Variants in NCAPG2 observed in about 807,000 individuals in gnomAD.
The protein encoded by NCAPG2 is non-SMC condensin II complex subunit G2.
NCAPG2 carries 53 observed loss-of-function variants against 141.1 expected under a neutral mutation model. The ratio of observed to expected loss-of-function variants is 0.38; its 90% CI spans 0.30 to 0.47. The LOEUF is 0.47. NCAPG2 is among the 20% of genes least tolerant of loss of function. The probability of loss-of-function intolerance (pLI) is 0.99; values close to 1 mark genes in which losing one functional copy is unlikely to be tolerated. For missense variants in NCAPG2, 1,087 were observed against 1,389.0 expected, an observed-to-expected ratio of 0.78 and a Z score of 3.46; for synonymous variants, 499 against 490.7, an observed-to-expected ratio of 1.02 and a Z score of -0.22.
chr7:158,642,708 A>G (rs1830732225), intron 27 of NCAPG2, among the ~76,000 whole-genome samples: 1 of 152,184 alleles, frequency 6.6e-6, no homozygotes, highest in Non-Finnish European at 1.5e-5. Context: ...CCACCTTCGG[A>G]AAACAGAAAA....
At chr7:158,637,579 C>CGAGCCCCACACAGGAGCCTGTGGGACTCA (rs1403971410) in intron 27 of NCAPG2, among the ~76,000 whole-genome samples, 1 of 5,132 alleles carries the variant, frequency 1.9e-4, no homozygotes, top group Non-Finnish European at 4.2e-4. Context: ...GCTCCGGCTC[C>CGAGCCCCACACAGGAGCCTGTGGGACTCA]AGCAGCTCCC....
chr7:158,664,252 G>C lies in NCAPG2; in HGVS notation c.1747C>G (p.Gln583Glu). 2.5e-6 allele frequency: 4 copies of C among 1,613,870 alleles called. No homozygotes were observed. Among genetic ancestry groups the C allele is most frequent in the Non-Finnish European group, 3.4e-6 (4 of 1,179,814 alleles). ...TCTGGAGGCTCTCTCACTGCCCTCTGGATACAGGCATTTAAGCAATGACGA... is the reference window on the plus strand; with the variant it reads ...TCTGGAGGCTCTCTCACTGCCCTCTCGATACAGGCATTTAAGCAATGACGA... ...VIRHCLNACI[Q>E]RAVREPPEDE... The change falls in exon 15 of 28, where the codon CAG (glutamine) becomes GAG (glutamate). Residue 583 changes from glutamine (Q) to glutamate (E), a missense_variant. By Grantham distance (29) the Gln-to-Glu change is conservative (BLOSUM62 2). Transcript: ENST00000356309.
intron 16 of NCAPG2, among the ~76,000 whole-genome samples, chr7:158,660,916 C>T (rs762669133): frequency 6.6e-6 from 1 of 152,116 alleles, no homozygotes; most frequent in Non-Finnish European, 1.5e-5. Context: ...AGGGGTTTCC[C>T]TTTGTGCTTG....
chr7:158,693,836 C>T (rs1835274555), intron 2 of NCAPG2, among the ~76,000 whole-genome samples: 1 of 152,222 alleles, frequency 6.6e-6, no homozygotes, highest in Non-Finnish European at 1.5e-5. Context: ...GCCACAGATT[C>T]CAGCCCCAAG....
At position 158,701,842 on chromosome 7, in the gene NCAPG2, A is replaced by G; in HGVS notation, c.58T>C (p.Leu20=). Residue 20 remains leucine, a synonymous_variant, in exon 2 of 28, where the codon TTG becomes CTG. Coordinates refer to ENST00000356309, the MANE Select transcript of NCAPG2 (RefSeq NM_017760.7). ...AVSKELVGEF[L]QFVQLDKEAS... is the part of the protein sequence containing the mutation. ...CTTACATCAAGTTGAACAAATTGCAAAAACTCTCCAACCAGCTCCTTAGAC... is the reference window on the plus strand; with the variant it reads ...CTTACATCAAGTTGAACAAATTGCAGAAACTCTCCAACCAGCTCCTTAGAC... The G allele has an allele frequency of 6.2e-7, 1 of 1,613,598 alleles. No homozygotes were observed. Among genetic ancestry groups the G allele is most frequent in the Non-Finnish European group, 8.5e-7 (1 of 1,179,884 alleles).
At chr7:158,695,282 G>T (rs2123656) in intron 2 of NCAPG2, among the ~76,000 whole-genome samples, 1 of 152,100 alleles carries the variant, frequency 6.6e-6, no homozygotes, top group Non-Finnish European at 1.5e-5. Context: ...GCACAGAAAC[G>T]AATCAGGACC....
intron 15 of NCAPG2, 92 bp downstream of exon 15, chr7:158,664,092 C>T (rs1294114343): frequency 2.0e-6 from 2 of 1,020,610 alleles, no homozygotes; most frequent in African/African-American, 1.6e-5. Context: ...ACTAAAGGAA[C>T]AAAGAAAACA....
At chr7:158,684,595 A>G (rs1387886943) in intron 8 of NCAPG2, among the ~76,000 whole-genome samples, 1 of 152,280 alleles carries the variant, frequency 6.6e-6, no homozygotes, top group Non-Finnish European at 1.5e-5. Flanking sequence ...GTAGAAATGA[A>G]ATGTCAGGTC....
At chr7:158,682,589 A>T (rs993241325) in intron 9 of NCAPG2, among the ~76,000 whole-genome samples, 1 of 152,238 alleles carries the variant, frequency 6.6e-6, no homozygotes, top group African/African-American at 2.4e-5. Flanking sequence ...AAACAAAGAA[A>T]TGAGTAGTCT....
chr7:158,677,758 C>T, intron 11 of NCAPG2, among the ~76,000 whole-genome samples: 1 of 152,174 alleles, frequency 6.6e-6, no homozygotes, highest in East Asian at 1.9e-4. Flanking sequence ...AAAATGACAG[C>T]ACATGACTTG....
chr7:158,689,813 A>C lies in NCAPG2; in HGVS notation c.672+6T>G. 1 of 1,570,796 alleles carries C rather than the reference A, an allele frequency of 6.4e-7. No individual in the cohort carries two copies. The highest frequency in any genetic ancestry group is 8.7e-7 in the Non-Finnish European group (1 of 1,152,542). ...CAAACAGATCAAAAAACAAATACCT[A>C]TTTACCTCTTCTTTCTTGATATAAT... On this transcript the variant is annotated splice_donor_region_variant and intron_variant, in intron 6 of 27. Transcript: ENST00000356309.
rs540012633 is a variant in NCAPG2, at chr7:158,657,528, T to TG, written c.2060+809dup. On this transcript the variant is annotated intron_variant, in intron 17 of 27. Coordinates refer to ENST00000356309, the MANE Select transcript of NCAPG2 (RefSeq NM_017760.7). ...TTGAAAATCACATCCTTGAGGGAGG[T>TG]GGGGGGGTCAGCCCCCCACCCGGCC... 8.0e-3 allele frequency among the ~76,000 whole-genome samples: 1,222 copies of TG among 152,026 alleles called. 13 individuals carry two copies. The highest frequency in any genetic ancestry group is 0.028 in the African/African-American group (1,149 of 41,480).
chr7:158,645,579 C>T lies in NCAPG2; in HGVS notation c.3220G>A (p.Asp1074Asn). ...DELKACVASN[D>N]IEGIVCLTAA... ...GTGAGGCACACAATGCCTTCAATAT[C>T]ATTAGAAGCCACACATGCCTTTAAT... Residue 1074 changes from aspartate (D) to asparagine (N), a missense_variant, in exon 26 of 28, where the codon GAT becomes AAT. Asp to Asn is a conservative substitution (Grantham distance 23). Transcript: ENST00000356309. The T allele has an allele frequency of 6.2e-7, 1 of 1,614,238 alleles. No individual in the cohort carries two copies.
intron 23 of NCAPG2, among the ~76,000 whole-genome samples, chr7:158,651,358 C>A (rs1010771407): frequency 4.6e-5 from 7 of 152,150 alleles, no homozygotes; most frequent in African/African-American, 1.7e-4. Flanking sequence ...AAGGTTTTGG[C>A]ACAAATTACA....
chr7:158,704,735 G>A lies in NCAPG2; in HGVS notation c.-51C>T, dbSNP rs965850178. The A allele has an allele frequency of 3.3e-5, 5 of 152,254 alleles. No homozygotes were observed. In the East Asian group the frequency reaches 7.7e-4, roughly 24 times the overall value. 9.4% of individuals were successfully genotyped at this position (152,254 alleles called of 1,614,324 possible). A position where few individuals can be genotyped will look rare whatever the true frequency, so the allele number is the denominator to read the frequency against. On this transcript the variant is annotated 5_prime_UTR_variant, in exon 1 of 28. Transcript: ENST00000356309. Reference sequence around the variant, plus strand: ...ACCGCAGCTCTTACCTGGGCTCGGGGACCCGCCGTTTCCCGCGCTCGGACC... The same window carrying A: ...ACCGCAGCTCTTACCTGGGCTCGGGAACCCGCCGTTTCCCGCGCTCGGACC...
chr7:158,681,946 AAATTT>A (rs1405067859), intron 9 of NCAPG2, among the ~76,000 whole-genome samples: 1 of 152,336 alleles, frequency 6.6e-6, no homozygotes, highest in East Asian at 1.9e-4. Context: ...CTTATCAGAT[AAATTT>A]AATAGTTATC....
At chr7:158,666,819 C>A (rs1396488140) in intron 13 of NCAPG2, among the ~76,000 whole-genome samples, 1 of 152,124 alleles carries the variant, frequency 6.6e-6, no homozygotes, top group Admixed American at 6.5e-5. Context: ...AGAGGGTTGA[C>A]ATCTCCTGGC....
chr7:158,688,035 A>G (rs1003787822), intron 6 of NCAPG2, among the ~76,000 whole-genome samples: 1 of 152,244 alleles, frequency 6.6e-6, no homozygotes, highest in African/African-American at 2.4e-5. Flanking sequence ...TATAGAGTGC[A>G]TAAGATGCAT....
chr7:158,703,344 C>T (rs1835927058), intron 1 of NCAPG2, among the ~76,000 whole-genome samples: 1 of 152,186 alleles, frequency 6.6e-6, no homozygotes, highest in Non-Finnish European at 1.5e-5. Context: ...CATACATCTT[C>T]GCCCGGCAAG....
Sources: allele counts gnomAD v4.1 joint callset (sites outside exome capture counted in the v4.1 genomes callset), GRCh38; gene constraint gnomAD v4.1.1; transcripts MANE v1.5; gene names NCBI Gene and HGNC (gene_info 2026-07-23, HGNC 2026-07-21).